The following AMN1 variants were observed in gnomAD, a reference collection of about 807,000 sequenced individuals.
AMN1 encodes the protein protein AMN1 homolog.
AMN1 carries 20 observed loss-of-function variants against 33.0 expected under a neutral mutation model. The ratio of observed to expected loss-of-function variants is 0.61; its 90% CI spans 0.43 to 0.88. AMN1 has a LOEUF of 0.88. Among genes scored for constraint, AMN1 ranks in the 40% least tolerant of loss-of-function variants. The pLI, the probability that AMN1 is intolerant of heterozygous loss-of-function variation, is 0.00. For synonymous variants in AMN1, 114 were observed against 111.9 expected (o/e 1.02, Z -0.12); for missense variants, 246 against 307.4 (o/e 0.80, Z 1.49).
intron 5 of AMN1, among the ~76,000 whole-genome samples, chr12:31,693,672 A>G (rs1264256313): frequency 6.6e-6 from 1 of 151,282 alleles, no homozygotes; most frequent in Non-Finnish European, 1.5e-5. Context: ...CCTCCTAAGT[A>G]GTTGGGATTA....
intron 5 of AMN1, among the ~76,000 whole-genome samples, chr12:31,690,963 C>T (rs1019994683): frequency 1.3e-5 from 2 of 151,856 alleles, no homozygotes; most frequent in African/African-American, 4.8e-5. Context: ...GTGAAACCCC[C>T]CGTCTCTACT....
chr12:31,701,951 A>G lies in AMN1; in HGVS notation c.228T>C (p.Ala76=). ...TACAGTTAGACAGGTGCAGGAGAGC[A>G]GCATCTGATATATCGCAGCTCCGTA... ...LDLRSCDISD[A]ALLHLSNCRK... Residue 76 remains alanine (A), a synonymous_variant, in exon 3 of 7, where the codon GCT becomes GCC. Coordinates refer to ENST00000281471, the MANE Select transcript of AMN1 (RefSeq NM_001113402.2). 2 of 1,610,708 alleles carry G rather than the reference A, an allele frequency of 1.2e-6. No homozygotes were observed. The highest frequency in any genetic ancestry group is 1.1e-5 in the South Asian group (1 of 90,138).
chr12:31,710,270 T>A (rs984589413), intron 1 of AMN1, among the ~76,000 whole-genome samples: 58 of 152,182 alleles, frequency 3.8e-4, no homozygotes, highest in African/African-American at 1.3e-3. Context: ...GACCAACATA[T>A]CTTATCTGTG....
Position 31,684,761 on chromosome 12 carries a change from G to A in AMN1, c.703+4246C>T, listed in dbSNP as rs549897112. On this transcript the variant is annotated intron_variant, in intron 6 of 6. Coordinates refer to ENST00000281471, the MANE Select transcript of AMN1 (RefSeq NM_001113402.2). The stretch of plus-strand genomic sequence containing the variant: ...GCTGGGATTACCGGCGTGAGCCACC[G>A]CGCCCGGCCTGGGATCCTCAATAAT... Among the ~76,000 whole-genome samples, 107 of 151,938 alleles carry A rather than the reference G, an allele frequency of 7.0e-4. 1 individual carries two copies. The highest frequency in any genetic ancestry group is 2.4e-3 in the African/African-American group (100 of 41,450).
intron 6 of AMN1, 197 bp from the exon 7 acceptor site, chr12:31,672,574 C>T (rs1475440831): frequency 2.1e-5 from 10 of 481,996 alleles, no homozygotes; most frequent in African/African-American, 1.2e-4. Flanking sequence ...GTGTAGTGCA[C>T]CTATCATGGT....
intron 1 of AMN1, 25 bp from the exon 2 acceptor site, chr12:31,709,450 A>T: frequency 1.3e-6 from 2 of 1,594,112 alleles, no homozygotes; most frequent in Admixed American, 3.6e-5. Context: ...CAATATAGTA[A>T]ATCACACTGG....
At chr12:31,710,726 G>T (rs1939434073) in intron 1 of AMN1, among the ~76,000 whole-genome samples, 2 of 151,982 alleles carry the variant, frequency 1.3e-5, no homozygotes, top group South Asian at 2.1e-4. Flanking sequence ...TCCCTTAATG[G>T]TCACATCATA....
In AMN1 at chr12:31,723,478, G is replaced by C. The variant is rs12819673; in HGVS notation, c.38+5493C>G. Among the ~76,000 whole-genome samples, 4 of 151,846 alleles carry C rather than the reference G, an allele frequency of 2.6e-5. No homozygotes were observed. In the South Asian group the frequency reaches 8.3e-4, roughly 32 times the overall value. On this transcript the variant is annotated intron_variant, in intron 1 of 6. Coordinates refer to ENST00000281471, the MANE Select transcript of AMN1 (RefSeq NM_001113402.2). ...GGCGCCCGCCACTATGCCCGGCTAA[G>C]TTTTTGTATTTTTAGTAGAGACAGG... is the stretch of plus-strand genomic sequence containing the variant.
At position 31,697,835 on chromosome 12, in the gene AMN1, C is replaced by A; in HGVS notation, c.439G>T (p.Asp147Tyr). Residue 147 changes from aspartate (D) to tyrosine (Y), a missense_variant, in exon 4 of 7, where the codon GAT (aspartate) becomes TAT (tyrosine). By Grantham distance (160) the Asp-to-Tyr change is radical. Coordinates refer to ENST00000281471, the MANE Select transcript of AMN1 (RefSeq NM_001113402.2). ...ALNCQLLKII[D>Y]LGGCLSITDV... ...GTAATACTTAAGCAGCCACCTAAATCGATGATCTTTAGCAGCTGGCAATTG... is the reference window on the plus strand; with the variant it reads ...GTAATACTTAAGCAGCCACCTAAATAGATGATCTTTAGCAGCTGGCAATTG... 6.2e-7 allele frequency: 1 copy of A among 1,614,020 alleles called. No individual in the cohort carries two copies. Among genetic ancestry groups the A allele is most frequent in the South Asian group, 1.1e-5 (1 of 91,086 alleles).
intron 1 of AMN1, among the ~76,000 whole-genome samples, chr12:31,712,872 T>A (rs565166773): frequency 6.6e-6 from 1 of 152,008 alleles, no homozygotes; most frequent in Admixed American, 6.6e-5. Flanking sequence ...GCCAGGATGG[T>A]CTCAAACTCC....
chr12:31,692,477 AC>A (rs199849363), intron 5 of AMN1, among the ~76,000 whole-genome samples: 3,238 of 151,898 alleles, frequency 0.021, 53 homozygotes, highest in Middle Eastern at 0.048. Context: ...ACGAAAAAAA[AC>A]ATATTAAATT....
intron 5 of AMN1, among the ~76,000 whole-genome samples, chr12:31,696,411 T>G (rs1938730288): frequency 1.3e-5 from 2 of 152,136 alleles, no homozygotes; most frequent in African/African-American, 4.8e-5. Context: ...TGTGCCCTAT[T>G]AAAATAGTTA....
At position 31,701,885 on chromosome 12, in the gene AMN1, G is replaced by A; in HGVS notation, c.294C>T (p.Asn98=). The A allele has an allele frequency of 4.4e-6, 7 of 1,602,820 alleles. No homozygotes were observed. Among genetic ancestry groups the A allele is most frequent in the Non-Finnish European group, 5.1e-6 (6 of 1,177,240 alleles). The change falls in exon 3 of 7, where the codon AAC becomes AAT. Residue 98 remains asparagine, a synonymous_variant. Transcript: ENST00000281471. ...TACCTTCTGAAGTTACAGAAACTCG[G>A]TTCCCTTTTGAAGCATTTAAATTTA... ...KKLNLNASKG[N]RVSVTSEGIK... is the part of the protein sequence containing the mutation.
rs150739395 is a variant in AMN1, at chr12:31,688,015, C to T, written c.703+992G>A. Among the ~76,000 whole-genome samples the T allele has an allele frequency of 4.1e-4, 63 of 152,258 alleles. No homozygotes were observed. In the East Asian group the frequency reaches 7.9e-3, roughly 19 times the overall value. On this transcript the variant is annotated intron_variant, in intron 6 of 6. Transcript: ENST00000281471. ...TGTTGCCCAGGCTGGAATGCAATGG[C>T]GTGATCTCAGCTCACTGCAACCTCC...
chr12:31,688,721 GA>G (rs1203251819), intron 6 of AMN1, among the ~76,000 whole-genome samples: 3 of 152,176 alleles, frequency 2.0e-5, no homozygotes, highest in African/African-American at 7.2e-5. Context: ...TGAGGCAGGA[GA>G]ATTGCTTTAA....
intron 1 of AMN1, chr12:31,714,746 A>C (rs1355890756): frequency 2.9e-5 from 5 of 170,766 alleles, no homozygotes; most frequent in Non-Finnish European, 4.7e-5. Flanking sequence ...TGATTGTAGA[A>C]GACAATACAA....
intron 2 of AMN1, among the ~76,000 whole-genome samples, chr12:31,708,359 C>T (rs992512688): frequency 4.6e-5 from 7 of 152,128 alleles, no homozygotes; most frequent in African/African-American, 1.4e-4. Flanking sequence ...GACTGAGATA[C>T]ACCCTGGTCT....
chr12:31,706,128 T>C (rs1012195738), intron 2 of AMN1, among the ~76,000 whole-genome samples: 10 of 151,772 alleles, frequency 6.6e-5, no homozygotes, highest in Admixed American at 2.6e-4. Context: ...CTGGCTAACA[T>C]GGTGAAACCC....
At chr12:31,729,163 A>G (rs987087342), upstream of AMN1, 63 of 799,868 alleles carry the variant, frequency 7.9e-5, no homozygotes, top group Non-Finnish European at 4.7e-5. Context: ...TTCGGACTCC[A>G]CAAGGAAAGA....
Sources: gnomAD v4.1 joint callset for allele counts (sites outside exome capture counted in the v4.1 genomes callset) on GRCh38, gnomAD v4.1.1 for gene constraint, MANE v1.5 for transcripts, NCBI Gene and HGNC (gene_info 2026-07-23, HGNC 2026-07-21) for gene names.